Variants in GNG7 observed in about 807,000 individuals in gnomAD.
The protein encoded by GNG7 is G protein subunit gamma 7.
In GNG7, 1 loss-of-function variant was observed where a neutral mutation model predicts 4.0. That is an observed-to-expected ratio of 0.25 (90% CI 0.09 to 1.18). The LOEUF is 1.18. Ranked by LOEUF, GNG7 falls within the 50% of genes most tolerant of loss-of-function variation. The probability of loss-of-function intolerance (pLI) is 0.50; values close to 1 mark genes in which losing one functional copy is unlikely to be tolerated. For missense variants in GNG7, 86 were observed against 91.9 expected (o/e 0.94, Z 0.26); for synonymous variants, 34 against 36.9 (o/e 0.92, Z 0.29).
chr19:2,632,187 T>C (rs888648562), intron 2 of GNG7: 4 of 152,120 alleles, frequency 2.6e-5, no homozygotes, highest in Non-Finnish European at 5.9e-5. Flanking sequence ...CCCAGCACTT[T>C]GGGAGGCAGA....
rs556373647 is a variant in GNG7, at chr19:2,623,814, G to A, written c.-78+22410C>T. On this transcript the variant is annotated intron_variant, in intron 2 of 4. Transcript: ENST00000382159. ...GAGAATTGCTTGAATCTGGGAGGCG[G>A]AGGTTGCAGTGAGCCGAGGTCGCAC... Among the ~76,000 whole-genome samples the A allele has an allele frequency of 2.6e-5, 4 of 152,290 alleles. No homozygotes were observed. In the South Asian group the frequency reaches 8.3e-4, roughly 32 times the overall value.
At chr19:2,676,989 G>C (rs532592785) in intron 1 of GNG7, among the ~76,000 whole-genome samples, 1 of 152,264 alleles carries the variant, frequency 6.6e-6, no homozygotes, top group South Asian at 2.1e-4. Flanking sequence ...GAATCTCAAA[G>C]CAAGGCATTC....
In GNG7 at chr19:2,520,808, C is replaced by T. The variant is rs956433318; in HGVS notation, c.-37-83G>A. On this transcript the variant is annotated intron_variant, in intron 3 of 4. Coordinates refer to ENST00000382159, the MANE Select transcript of GNG7 (RefSeq NM_052847.3). ...CAGGGGCGCCCGGCCTTGGCTCAAC[C>T]TTCCCGACTCTAGGCACGGCCACTT... The T allele has an allele frequency of 2.2e-5, 14 of 638,274 alleles. No homozygotes were observed. In the African/African-American group the frequency reaches 2.5e-4, roughly 12 times the overall value. The allele number at this position is 638,274 out of a possible 1,614,324, so 39.5% of individuals were successfully genotyped here.
At chr19:2,555,991 G>A (rs1373449251) in intron 2 of GNG7, among the ~76,000 whole-genome samples, 1 of 152,212 alleles carries the variant, frequency 6.6e-6, no homozygotes, top group African/African-American at 2.4e-5. Context: ...GGTCTTTCCT[G>A]ACTCCCACTA....
At chr19:2,562,863 C>G (rs1979785649) in intron 2 of GNG7, among the ~76,000 whole-genome samples, 1 of 152,202 alleles carries the variant, frequency 6.6e-6, no homozygotes, top group Non-Finnish European at 1.5e-5. Context: ...GCTGCAGTCC[C>G]TCTGGTTTAC....
At chr19:2,605,658 CAT>C (rs1445618738) in intron 2 of GNG7, among the ~76,000 whole-genome samples, 560 of 151,800 alleles carry the variant, frequency 3.7e-3, no homozygotes, top group African/African-American at 0.013. Flanking sequence ...GGATTACAGG[CAT>C]GCGCCACCAC....
At chr19:2,660,351 G>C (rs551394403) in intron 1 of GNG7, among the ~76,000 whole-genome samples, 9 of 152,256 alleles carry the variant, frequency 5.9e-5, no homozygotes, top group African/African-American at 2.2e-4. Context: ...TCCATTGAAG[G>C]GTTGATGCTG....
chr19:2,635,246 G>A (rs1329141068), intron 2 of GNG7, among the ~76,000 whole-genome samples: 4 of 152,172 alleles, frequency 2.6e-5, no homozygotes, highest in South Asian at 2.1e-4. Context: ...CAGGTGCCCC[G>A]TGAACCCATC....
chr19:2,514,996 G>A lies in GNG7; in HGVS notation c.*26C>T, dbSNP rs780257315. Reference sequence around the variant, plus strand: ...AGAGAGAGAGAGAGAAAGAGAGAGAGAGAGAGAGAACATATGAGAACACAG... The same window carrying A: ...AGAGAGAGAGAGAGAAAGAGAGAGAAAGAGAGAGAACATATGAGAACACAG... On this transcript the variant is annotated 3_prime_UTR_variant, in exon 5 of 5. Coordinates refer to ENST00000382159, the MANE Select transcript of GNG7 (RefSeq NM_052847.3). The A allele has an allele frequency of 6.3e-7, 1 of 1,585,100 alleles. No individual in the cohort carries two copies. The highest frequency in any genetic ancestry group is 8.7e-7 in the Non-Finnish European group (1 of 1,154,116).
Position 2,542,107 on chromosome 19 carries a change from C to CTTTTTTT in GNG7, c.-38+13035_-38+13041dup, listed in dbSNP as rs1175526574. 5.7e-4 allele frequency among the ~76,000 whole-genome samples: 37 copies of CTTTTTTT among 64,570 alleles called. 1 individual carries two copies. Among genetic ancestry groups the CTTTTTTT allele is most frequent in the Non-Finnish European group, 8.3e-4 (30 of 36,168 alleles). The allele number at this position is 64,570 out of a possible 152,430, so 42.4% of individuals were successfully genotyped here. On this transcript the variant is annotated intron_variant, in intron 3 of 4. Coordinates refer to ENST00000382159, the MANE Select transcript of GNG7 (RefSeq NM_052847.3). Reference sequence around the variant, plus strand: ...CTCATGGGAGGCAGCGCTGTGTGTTCTTTTTTTTTTTTTTTTTTTTTTTTT... The same window carrying CTTTTTTT: ...CTCATGGGAGGCAGCGCTGTGTGTTCTTTTTTTTTTTTTTTTTTTTTTTTTTTTTTTT...
At chr19:2,604,848 T>A (rs941173435) in intron 2 of GNG7, among the ~76,000 whole-genome samples, 1 of 152,120 alleles carries the variant, frequency 6.6e-6, no homozygotes, top group African/African-American at 2.4e-5. Context: ...CGGCTTCCCC[T>A]CTCTTAGAAG....
In GNG7 at chr19:2,513,829, T is replaced by G. The variant is rs1388664134; in HGVS notation, c.*1193A>C. The G allele has an allele frequency of 6.6e-6, 1 of 152,354 alleles. No homozygotes were observed. Among genetic ancestry groups the G allele is most frequent in the South Asian group, 2.1e-4 (1 of 4,824 alleles). 9.4% of individuals were successfully genotyped at this position (152,354 alleles called of 1,614,324 possible). On this transcript the variant is annotated 3_prime_UTR_variant, in exon 5 of 5. Transcript: ENST00000382159. Reference sequence around the variant, plus strand: ...GCATTTTCTGTTTGAAAAACGTCTATGGTGGATGCCAGAGGGTAGGACAAC... The same window carrying G: ...GCATTTTCTGTTTGAAAAACGTCTAGGGTGGATGCCAGAGGGTAGGACAAC...
At chr19:2,674,542 C>T (rs201797712) in intron 1 of GNG7, among the ~76,000 whole-genome samples, 1 of 152,032 alleles carries the variant, frequency 6.6e-6, no homozygotes, top group Non-Finnish European at 1.5e-5. Context: ...CTCAAGCGAT[C>T]CTCCTGCCTC....
intron 3 of GNG7, among the ~76,000 whole-genome samples, chr19:2,544,421 G>A (rs1168180015): frequency 1.3e-5 from 2 of 152,194 alleles, no homozygotes; most frequent in African/African-American, 2.4e-5. Context: ...TCTCACAGAA[G>A]CCCCTGAGGA....
intron 4 of GNG7, among the ~76,000 whole-genome samples, chr19:2,519,597 ATT>A (rs1170074823): frequency 2.6e-4 from 36 of 140,650 alleles, no homozygotes; most frequent in African/African-American, 8.3e-4. Context: ...CACATGCAAA[ATT>A]TTTTTTTTTT....
intron 3 of GNG7, among the ~76,000 whole-genome samples, chr19:2,541,111 G>A (rs1364084422): frequency 6.6e-6 from 1 of 152,238 alleles, no homozygotes; most frequent in Non-Finnish European, 1.5e-5. Context: ...AGAGGCGAGG[G>A]AGCGGGAGCT....
chr19:2,562,930 C>G (rs1979787705), intron 2 of GNG7, among the ~76,000 whole-genome samples: 1 of 137,120 alleles, frequency 7.3e-6, no homozygotes, highest in African/African-American at 2.6e-5. Flanking sequence ...GGGACAGATT[C>G]AATCTTTTTC....
At chr19:2,695,432 C>G (rs1280700729) in intron 1 of GNG7, among the ~76,000 whole-genome samples, 1 of 152,204 alleles carries the variant, frequency 6.6e-6, no homozygotes, top group Non-Finnish European at 1.5e-5. Context: ...CACACAGATG[C>G]CTCATTCACG....
chr19:2,676,793 C>T (rs978278509), intron 1 of GNG7, among the ~76,000 whole-genome samples: 16 of 132,222 alleles, frequency 1.2e-4, no homozygotes, highest in Admixed American at 3.0e-4. Context: ...TTCCTAGACC[C>T]GGCTGGAGGA....
Sources: allele counts gnomAD v4.1 joint callset (sites outside exome capture counted in the v4.1 genomes callset), GRCh38; gene constraint gnomAD v4.1.1; transcripts MANE v1.5; gene names NCBI Gene and HGNC (gene_info 2026-07-23, HGNC 2026-07-21).